Variants in NTM observed in about 807,000 individuals in gnomAD.
NTM encodes the protein IgLON family member 2.
A neutral mutation model predicts 42.1 loss-of-function variants in NTM; 13 were observed. The ratio of observed to expected loss-of-function variants is 0.31; its 90% CI spans 0.20 to 0.49. The LOEUF (loss-of-function observed/expected upper bound fraction) is 0.49, where lower values mean the gene tolerates loss of function less well. Ranked by LOEUF, NTM falls within the 20% of genes least tolerant of loss-of-function variation. The pLI is 0.99. For synonymous variants in NTM, 187 were observed against 179.2 expected, an observed-to-expected ratio of 1.04 and a Z score of -0.35; for missense variants, 373 against 452.8, an observed-to-expected ratio of 0.82 and a Z score of 1.60.
chr11:132,176,797 C>A (rs767637341), intron 3 of NTM, among the ~76,000 whole-genome samples: 2 of 135,134 alleles, frequency 1.5e-5, no homozygotes, highest in Non-Finnish European at 3.1e-5. Flanking sequence ...GGCACAATCT[C>A]GGCTCACTGC....
chr11:131,839,233 A>G (rs2043920231), intron 1 of NTM, among the ~76,000 whole-genome samples: 1 of 152,232 alleles, frequency 6.6e-6, no homozygotes, highest in Non-Finnish European at 1.5e-5. Flanking sequence ...AAGTGCCGGA[A>G]TTACAGGCGT....
At chr11:131,739,309 G>T (rs578189545) in intron 1 of NTM, among the ~76,000 whole-genome samples, 1 of 151,976 alleles carries the variant, frequency 6.6e-6, no homozygotes, top group Non-Finnish European at 1.5e-5. Flanking sequence ...GCATTTTAAG[G>T]TTCAAATTTC....
intron 1 of NTM, among the ~76,000 whole-genome samples, chr11:131,658,978 A>C (rs1211900734): frequency 1.3e-5 from 2 of 152,178 alleles, no homozygotes; most frequent in Non-Finnish European, 2.9e-5. Flanking sequence ...AAAAGAAAAA[A>C]ACAAATAGAT....
chr11:131,735,678 T>C (rs2080320221), intron 1 of NTM, among the ~76,000 whole-genome samples: 1 of 152,172 alleles, frequency 6.6e-6, no homozygotes, highest in Non-Finnish European at 1.5e-5. Flanking sequence ...TCCATGGTGT[T>C]CTGTGGTTTT....
chr11:131,399,573 G>T (rs1008057833), intron 1 of NTM, among the ~76,000 whole-genome samples: 1 of 152,150 alleles, frequency 6.6e-6, no homozygotes, highest in Admixed American at 6.5e-5. Context: ...TGATAGGGTG[G>T]GGCTTTGAGT....
chr11:131,425,690 G>A (rs545891010), intron 1 of NTM, among the ~76,000 whole-genome samples: 2 of 152,264 alleles, frequency 1.3e-5, no homozygotes, highest in East Asian at 1.9e-4. Context: ...CTGGTTTAAG[G>A]CAAGTCTCTC....
intron 1 of NTM, among the ~76,000 whole-genome samples, chr11:131,545,925 CAG>C (rs1365224284): frequency 6.6e-6 from 1 of 152,150 alleles, no homozygotes; most frequent in African/African-American, 2.4e-5. Context: ...ACGCTTGACT[CAG>C]GGAATAACTG....
At chr11:131,748,381 G>A (rs1005497909) in intron 1 of NTM, among the ~76,000 whole-genome samples, 1 of 152,364 alleles carries the variant, frequency 6.6e-6, no homozygotes, top group East Asian at 1.9e-4. Context: ...CTAAGCAGAC[G>A]CCGCACAGCC....
chr11:132,208,288 A>G (rs1424267586), intron 3 of NTM, among the ~76,000 whole-genome samples: 1 of 152,208 alleles, frequency 6.6e-6, no homozygotes, highest in Non-Finnish European at 1.5e-5. Context: ...CTAGAAAATC[A>G]TATTTTGACT....
chr11:132,072,281 A>G (rs1400716062), intron 2 of NTM, among the ~76,000 whole-genome samples: 39 of 152,206 alleles, frequency 2.6e-4, no homozygotes, highest in Non-Finnish European at 1.5e-5. Context: ...ACCCCAGGAT[A>G]TGACAAGCCT....
chr11:131,861,644 C>G (rs1310883661), intron 1 of NTM, among the ~76,000 whole-genome samples: 1 of 152,144 alleles, frequency 6.6e-6, no homozygotes, highest in African/African-American at 2.4e-5. Context: ...AATTTCACTC[C>G]TGGCTCATTA....
At chr11:131,465,407 T>C (rs1951790883) in intron 1 of NTM, among the ~76,000 whole-genome samples, 1 of 151,602 alleles carries the variant, frequency 6.6e-6, no homozygotes, top group African/African-American at 2.4e-5. Context: ...TCCAGGTTTC[T>C]TTTTTTTTAA....
chr11:131,969,659 T>C (rs2134660274), intron 2 of NTM, among the ~76,000 whole-genome samples: 1 of 152,316 alleles, frequency 6.6e-6, no homozygotes, highest in Non-Finnish European at 1.5e-5. Flanking sequence ...TCGGCAGATC[T>C]ATCTCTTTGA....
chr11:132,182,957 C>T (rs1415050698), intron 3 of NTM, among the ~76,000 whole-genome samples: 1 of 152,138 alleles, frequency 6.6e-6, no homozygotes, highest in Non-Finnish European at 1.5e-5. Flanking sequence ...TTGGAATTCA[C>T]ATTTTCTGTA....
At chr11:131,828,414 C>A (rs2042398758) in intron 1 of NTM, among the ~76,000 whole-genome samples, 1 of 152,042 alleles carries the variant, frequency 6.6e-6, no homozygotes, top group Non-Finnish European at 1.5e-5. Flanking sequence ...ATCACTACCA[C>A]CTTCACCATC....
intron 1 of NTM, among the ~76,000 whole-genome samples, chr11:131,545,959 C>T (rs1379902485): frequency 6.6e-6 from 1 of 152,128 alleles, no homozygotes; most frequent in Non-Finnish European, 1.5e-5. Flanking sequence ...CATCAGAACC[C>T]AGCTGTTTAT....
At chr11:131,708,199 C>T (rs2076776107) in intron 1 of NTM, among the ~76,000 whole-genome samples, 1 of 151,974 alleles carries the variant, frequency 6.6e-6, no homozygotes, top group Admixed American at 6.6e-5. Context: ...CGTTAATACC[C>T]TTATATATAA....
At chr11:132,309,391 G>C (rs1269265884) in intron 5 of NTM, among the ~76,000 whole-genome samples, 1 of 152,120 alleles carries the variant, frequency 6.6e-6, no homozygotes, top group Non-Finnish European at 1.5e-5. Context: ...ATTATTTCTT[G>C]CAACTGAGCT....
At chr11:131,456,459 C>T (rs11222630) in intron 1 of NTM, among the ~76,000 whole-genome samples, 9,148 of 152,188 alleles carry the variant, frequency 0.06, 639 homozygotes, top group East Asian at 0.2. Flanking sequence ...CTCCCTCCTT[C>T]GTTCTCATCA....
Sources: allele counts gnomAD v4.1 joint callset (sites outside exome capture counted in the v4.1 genomes callset), GRCh38; gene constraint gnomAD v4.1.1; transcripts MANE v1.5; gene names NCBI Gene and HGNC (gene_info 2026-07-23, HGNC 2026-07-21).